Variants in NFATC1 observed in about 807,000 individuals in gnomAD.
NFATC1 encodes the protein nuclear factor of activated T cells 1.
In NFATC1, 22 loss-of-function variants were observed where a neutral mutation model predicts 76.0. The ratio of observed to expected loss-of-function variants is 0.29; its 90% CI spans 0.21 to 0.41. NFATC1 has a LOEUF of 0.41. NFATC1 is among the 10% of genes least tolerant of loss of function. The pLI, the probability that NFATC1 is intolerant of heterozygous loss-of-function variation, is 1.00. For synonymous variants in NFATC1, 704 were observed against 613.1 expected (o/e 1.15, Z -2.19); for missense variants, 1,357 against 1,337.7 (o/e 1.01, Z -0.23).
chr18:79,429,539 C>T (rs1230969076), intron 2 of NFATC1, among the ~76,000 whole-genome samples: 2 of 152,174 alleles, frequency 1.3e-5, no homozygotes, highest in African/African-American at 4.8e-5. Flanking sequence ...CTGAAGCACG[C>T]CTGCCCGAGG....
At chr18:79,472,605 G>C (rs2088831438) in intron 8 of NFATC1, among the ~76,000 whole-genome samples, 1 of 152,160 alleles carries the variant, frequency 6.6e-6, no homozygotes, top group Non-Finnish European at 1.5e-5. Flanking sequence ...GCACAGCCTG[G>C]GTGGGCCTTG....
intron 9 of NFATC1, among the ~76,000 whole-genome samples, chr18:79,490,683 C>T (rs1033639577): frequency 1.3e-5 from 2 of 152,174 alleles, no homozygotes; most frequent in Non-Finnish European, 2.9e-5. Context: ...CGAGCCGTTT[C>T]CCGCGTCCTG....
chr18:79,415,613 C>T (rs1009957480), intron 2 of NFATC1, among the ~76,000 whole-genome samples: 5 of 152,128 alleles, frequency 3.3e-5, no homozygotes, highest in Admixed American at 2.6e-4. Context: ...TGAAACATTG[C>T]CTCTTAGAAC....
At chr18:79,417,068 C>G (rs570969561) in intron 2 of NFATC1, among the ~76,000 whole-genome samples, 45 of 152,176 alleles carry the variant, frequency 3.0e-4, no homozygotes, top group African/African-American at 1.1e-3. Context: ...GCAAGCCAGA[C>G]GGTCCCCAGG....
At chr18:79,447,600 C>T (rs115272478) in intron 3 of NFATC1, among the ~76,000 whole-genome samples, 10 of 152,260 alleles carry the variant, frequency 6.6e-5, no homozygotes, top group African/African-American at 1.7e-4. Flanking sequence ...TGGCGCTCAT[C>T]GGGCCCCACT....
chr18:79,483,243 A>C lies in NFATC1; in HGVS notation c.2093-3005A>C, dbSNP rs191811430. Among the ~76,000 whole-genome samples, 43 of 126,018 alleles carry C rather than the reference A, an allele frequency of 3.4e-4. 3 individuals carry two copies. The highest frequency in any genetic ancestry group is 1.2e-3 in the African/African-American group (39 of 32,084). 82.7% of individuals were successfully genotyped at this position (126,018 alleles called of 152,430 possible). A position where few individuals can be genotyped will look rare whatever the true frequency, so the allele number is the denominator to read the frequency against. ...CAGCGTGACCTGGTCCTGGGGTGTC[A>C]CTCCAGCGTGACCTGGTCCTGGGGC... is the stretch of plus-strand genomic sequence containing the variant. On this transcript the variant is annotated intron_variant, in intron 8 of 9. Coordinates refer to ENST00000427363, the MANE Select transcript of NFATC1 (RefSeq NM_001278669.2).
At chr18:79,522,378 G>GT (rs143087673) in intron 9 of NFATC1, among the ~76,000 whole-genome samples, 1,545 of 27,398 alleles carry the variant, frequency 0.056, 84 homozygotes, top group African/African-American at 0.19. Context: ...CTGTGTGTGT[G>GT]GGGGGGGGTG....
chr18:79,415,032 C>T (rs936932950), intron 2 of NFATC1, among the ~76,000 whole-genome samples: 1 of 152,210 alleles, frequency 6.6e-6, no homozygotes, highest in Non-Finnish European at 1.5e-5. Context: ...CCTCCTCCAC[C>T]TGGGCACCTG....
intron 6 of NFATC1, chr18:79,452,221 C>G (rs2087505548): frequency 6.3e-6 from 1 of 157,584 alleles, no homozygotes; most frequent in Non-Finnish European, 1.4e-5. Flanking sequence ...CGGGGCCTTC[C>G]CCTCCCGCCA....
intron 9 of NFATC1, among the ~76,000 whole-genome samples, chr18:79,519,897 C>A (rs773419941): frequency 6.6e-6 from 1 of 152,260 alleles, no homozygotes; most frequent in East Asian, 1.9e-4. Flanking sequence ...CAGACGTGCT[C>A]GCTGTCGCTC....
intron 2 of NFATC1, among the ~76,000 whole-genome samples, chr18:79,418,742 G>T (rs1600648667): frequency 6.6e-6 from 1 of 152,218 alleles, no homozygotes; most frequent in Non-Finnish European, 1.5e-5. Flanking sequence ...GGCAGCCCAC[G>T]GTTTTCTGCC....
chr18:79,476,329 T>A (rs2089067702), intron 8 of NFATC1, among the ~76,000 whole-genome samples: 1 of 152,248 alleles, frequency 6.6e-6, no homozygotes, highest in Non-Finnish European at 1.5e-5. Flanking sequence ...CACAGCTGCC[T>A]GGGAGCGTGA....
chr18:79,435,415 C>T (rs2086740021), intron 3 of NFATC1, among the ~76,000 whole-genome samples: 1 of 149,026 alleles, frequency 6.7e-6, no homozygotes, highest in African/African-American at 2.5e-5. Flanking sequence ...GTGGTGTGAT[C>T]TCAGCTCACT....
At chr18:79,481,567 T>C (rs2089271958) in intron 8 of NFATC1, among the ~76,000 whole-genome samples, 1 of 152,258 alleles carries the variant, frequency 6.6e-6, no homozygotes, top group Non-Finnish European at 1.5e-5. Flanking sequence ...GGCAGCCACA[T>C]TCAGGTGGCT....
intron 1 of NFATC1, among the ~76,000 whole-genome samples, chr18:79,401,775 C>CG: frequency 6.6e-6 from 1 of 152,182 alleles, no homozygotes. Context: ...GTGCAGTCAT[C>CG]GGGGGTCGGG....
chr18:79,415,674 T>A (rs2085853340), intron 2 of NFATC1, among the ~76,000 whole-genome samples: 1 of 152,212 alleles, frequency 6.6e-6, no homozygotes, highest in South Asian at 2.1e-4. Context: ...AAAGAATTCC[T>A]AAGGGGCGAG....
intron 9 of NFATC1, chr18:79,515,880 T>C (rs569242620): frequency 6.8e-4 from 103 of 152,160 alleles, no homozygotes; most frequent in African/African-American, 2.4e-3. Context: ...TACTTCCTAG[T>C]AGAACAAAGA....
intron 9 of NFATC1, among the ~76,000 whole-genome samples, chr18:79,521,509 T>G (rs1271286590): frequency 1.5e-5 from 1 of 65,526 alleles, no homozygotes; most frequent in Non-Finnish European, 2.8e-5. Context: ...TGTGTGTCTG[T>G]GTGTGTGTGG....
intron 1 of NFATC1, 107 bp downstream of exon 1, chr18:79,396,458 A>G (rs8097032): frequency 0.9 from 612,751 of 680,646 alleles, 276,560 homozygotes; most frequent in East Asian, 1. Context: ...CGGGCCAGAG[A>G]ACGAGGTCGG....
Sources: gnomAD v4.1 joint callset for allele counts (sites outside exome capture counted in the v4.1 genomes callset) on GRCh38, gnomAD v4.1.1 for gene constraint, MANE v1.5 for transcripts, NCBI Gene and HGNC (gene_info 2026-07-23, HGNC 2026-07-21) for gene names.